VTI1A: variants seen among roughly 807,000 people sequenced by gnomAD.
VTI1A encodes the protein vesicle transport through interaction with t-SNAREs homolog 1A.
A neutral mutation model predicts 34.9 loss-of-function variants in VTI1A; 22 were observed. The ratio of observed to expected loss-of-function variants is 0.63; its 90% CI spans 0.45 to 0.90. The LOEUF (loss-of-function observed/expected upper bound fraction) is 0.90, where lower values mean the gene tolerates loss of function less well. Among genes scored for constraint, VTI1A ranks in the 40% least tolerant of loss-of-function variants. The probability of loss-of-function intolerance (pLI) is 0.00; values close to 1 mark genes in which losing one functional copy is unlikely to be tolerated. For missense variants in VTI1A, 268 were observed against 275.6 expected (o/e 0.97, Z 0.20); for synonymous variants, 87 against 97.3 (o/e 0.89, Z 0.62).
intron 1 of VTI1A, among the ~76,000 whole-genome samples, chr10:112,458,197 C>T (rs983019966): frequency 6.6e-6 from 1 of 152,140 alleles, no homozygotes; most frequent in African/African-American, 2.4e-5. Flanking sequence ...TCCTGGAGGT[C>T]CACGGCATGG....
At chr10:112,720,394 T>C (rs1368604152) in intron 7 of VTI1A, among the ~76,000 whole-genome samples, 1 of 152,260 alleles carries the variant, frequency 6.6e-6, no homozygotes, top group Non-Finnish European at 1.5e-5. Context: ...TTTTATATTA[T>C]AGTTTTTCAA....
intron 3 of VTI1A, among the ~76,000 whole-genome samples, chr10:112,495,010 G>T (rs548810819): frequency 1.7e-4 from 26 of 152,128 alleles, no homozygotes; most frequent in African/African-American, 5.8e-4. Context: ...TAACTCAAAT[G>T]CTTTTAAGGT....
intron 3 of VTI1A, among the ~76,000 whole-genome samples, chr10:112,481,395 A>T (rs11195972): frequency 0.19 from 29,143 of 152,120 alleles, 3,750 homozygotes; most frequent in African/African-American, 0.37. Context: ...AGTCTTTGAT[A>T]GCATACGGAC....
intron 1 of VTI1A, among the ~76,000 whole-genome samples, chr10:112,455,172 TCCCC>T (rs1847402890): frequency 1.1e-3 from 1 of 894 alleles, no homozygotes; most frequent in African/African-American, 5.0e-3. Context: ...CCTCCCCTCC[TCCCC>T]TCCCCTCCTC....
At chr10:112,617,337 A>G (rs1845544933) in intron 5 of VTI1A, among the ~76,000 whole-genome samples, 1 of 152,214 alleles carries the variant, frequency 6.6e-6, no homozygotes, top group Non-Finnish European at 1.5e-5. Flanking sequence ...AATAAAAACT[A>G]GGAGATTGCC....
chr10:112,782,664 C>T (rs1464723631), intron 7 of VTI1A, among the ~76,000 whole-genome samples: 2 of 152,146 alleles, frequency 1.3e-5, no homozygotes, highest in African/African-American at 2.4e-5. Context: ...ACCTAAACTC[C>T]CTGCAGACTT....
intron 3 of VTI1A, among the ~76,000 whole-genome samples, chr10:112,502,082 C>T (rs572012357): frequency 1.4e-5 from 2 of 144,940 alleles, no homozygotes; most frequent in Non-Finnish European, 3.0e-5. Flanking sequence ...GGCTCTAGTG[C>T]AGTGGCATGG....
intron 3 of VTI1A, among the ~76,000 whole-genome samples, chr10:112,470,519 G>A (rs1005415478): frequency 1.3e-5 from 2 of 152,168 alleles, no homozygotes; most frequent in African/African-American, 4.8e-5. Flanking sequence ...CTCTGCTGTT[G>A]GAGCCTGGCA....
intron 5 of VTI1A, among the ~76,000 whole-genome samples, chr10:112,560,742 G>A (rs548135310): frequency 7.5e-4 from 114 of 151,788 alleles, no homozygotes; most frequent in East Asian, 3.5e-3. Flanking sequence ...GACTACAGGC[G>A]CGCACCATCA....
chr10:112,559,314 C>T (rs1360280988), intron 5 of VTI1A, among the ~76,000 whole-genome samples: 1 of 152,126 alleles, frequency 6.6e-6, no homozygotes, highest in Non-Finnish European at 1.5e-5. Context: ...CAACATTGCT[C>T]CATTTAATTG....
At position 112,534,494 on chromosome 10, in the gene VTI1A, AATTTTTTTT is replaced by A. The variant is rs569267080; in HGVS notation, c.343-3748_343-3740del. ...ACTGCATTGATTGAGAATTCTCTAG[AATTTTTTTT>A]ATTGGTATGTCATCATTCTCTAGGT... On this transcript the variant is annotated intron_variant, in intron 4 of 7. Transcript: ENST00000393077. Among the ~76,000 whole-genome samples the A allele has an allele frequency of 1.6e-4, 24 of 152,174 alleles. No homozygotes were observed. In the East Asian group the frequency reaches 4.4e-3, roughly 28 times the overall value.
At chr10:112,618,524 T>TATATAGAGAGAGAGAGAGAG (rs748276058) in intron 5 of VTI1A, among the ~76,000 whole-genome samples, 42 of 34,568 alleles carry the variant, frequency 1.2e-3, no homozygotes, top group African/African-American at 1.5e-3. Flanking sequence ...TATATATATA[T>TATATAGAGAGAGAGAGAGAG]AGAGAGAGAG....
chr10:112,792,865 A>C (rs894513017), intron 7 of VTI1A, among the ~76,000 whole-genome samples: 36 of 152,336 alleles, frequency 2.4e-4, no homozygotes, highest in African/African-American at 7.9e-4. Context: ...TGCCTGTCTG[A>C]GAAAGCAAAG....
intron 3 of VTI1A, among the ~76,000 whole-genome samples, chr10:112,513,452 T>C (rs1849679957): frequency 6.6e-6 from 1 of 152,086 alleles, no homozygotes. Flanking sequence ...TCTTTAGGGT[T>C]TTCTATATAT....
chr10:112,526,009 A>AC (rs796098041), intron 3 of VTI1A, among the ~76,000 whole-genome samples: 2 of 152,180 alleles, frequency 1.3e-5, no homozygotes, highest in South Asian at 4.1e-4. Flanking sequence ...CAAACTCTAG[A>AC]CCCCCAAGTG....
In VTI1A at chr10:112,733,959, T is replaced by C. The variant is rs889921475; in HGVS notation, c.560+64961T>C. ...TAGAGACAGGGTTTCACCATGTTGG[T>C]CAGACTGGTCTCGAACTCCTGACCT... On this transcript the variant is annotated intron_variant, in intron 7 of 7. Transcript: ENST00000393077. 1.3e-4 allele frequency among the ~76,000 whole-genome samples: 19 copies of C among 151,930 alleles called. No individual in the cohort carries two copies. In the Middle Eastern group the frequency reaches 0.017, roughly 136 times the overall value.
intron 3 of VTI1A, among the ~76,000 whole-genome samples, chr10:112,471,839 A>G (rs1449840954): frequency 1.3e-5 from 2 of 152,180 alleles, no homozygotes; most frequent in African/African-American, 4.8e-5. Context: ...TTCAAGTTTA[A>G]GATTAGTTTG....
intron 7 of VTI1A, among the ~76,000 whole-genome samples, chr10:112,695,974 T>C (rs1319638680): frequency 6.6e-6 from 1 of 152,176 alleles, no homozygotes; most frequent in East Asian, 1.9e-4. Flanking sequence ...CTACAGAACA[T>C]TGTACAAAGT....
At chr10:112,635,526 T>G (rs1846321077) in intron 5 of VTI1A, among the ~76,000 whole-genome samples, 2 of 152,148 alleles carry the variant, frequency 1.3e-5, no homozygotes, top group Non-Finnish European at 2.9e-5. Context: ...TTTTTCTTGG[T>G]GAGCATGGCC....
Sources: allele counts gnomAD v4.1 joint callset (sites outside exome capture counted in the v4.1 genomes callset), GRCh38; gene constraint gnomAD v4.1.1; transcripts MANE v1.5; gene names NCBI Gene and HGNC (gene_info 2026-07-23, HGNC 2026-07-21).